Variants in DAG1 observed in about 807,000 individuals in gnomAD.
DAG1 encodes dystroglycan 1, also known as dystroglycan 1 (dystrophin-associated glycoprotein 1).
Under a neutral mutation model 46.1 loss-of-function variants are expected in DAG1, and 8 were observed. The ratio of observed to expected loss-of-function variants is 0.17; its 90% CI spans 0.10 to 0.31. The LOEUF is 0.31. Among genes scored for constraint, DAG1 ranks in the 10% least tolerant of loss-of-function variants. The pLI is 1.00. For synonymous variants in DAG1, 495 were observed against 481.8 expected, an observed-to-expected ratio of 1.03 and a Z score of -0.36; for missense variants, 1,003 against 1,189.9, an observed-to-expected ratio of 0.84 and a Z score of 2.31.
intron 2 of DAG1, among the ~76,000 whole-genome samples, chr3:49,520,943 T>C (rs1450007194): frequency 2.0e-5 from 3 of 152,190 alleles, no homozygotes; most frequent in Non-Finnish European, 4.4e-5. Context: ...AAGCCAATTA[T>C]AATTATTTGG....
At chr3:49,473,320 G>C (rs1176908063) in intron 1 of DAG1, among the ~76,000 whole-genome samples, 1 of 151,764 alleles carries the variant, frequency 6.6e-6, no homozygotes, top group Non-Finnish European at 1.5e-5. Context: ...TCTCCTGGAG[G>C]CTGAGGCAGG....
chr3:49,527,575 C>T (rs1472842963), intron 2 of DAG1, among the ~76,000 whole-genome samples: 3 of 148,712 alleles, frequency 2.0e-5, no homozygotes, highest in South Asian at 4.2e-4. Context: ...TGGTGGCGGG[C>T]GCCTGTAGTC....
Position 49,533,275 on chromosome 3 carries a change from G to T in DAG1, c.*76G>T. 1 of 1,585,748 alleles carries T rather than the reference G, an allele frequency of 6.3e-7. No individual in the cohort carries two copies. The highest frequency in any genetic ancestry group is 1.1e-5 in the South Asian group (1 of 89,066). ...ATGGTGTTGTCTGTGGAGACCGGTG[G>T]CCTGCAGACCATTGCCCACCGGGAG... is the stretch of plus-strand genomic sequence containing the variant. On this transcript the variant is annotated 3_prime_UTR_variant, in exon 3 of 3. Transcript: ENST00000308775.
chr3:49,534,653 G>T lies in DAG1; in HGVS notation c.*1454G>T, dbSNP rs2051461281. On this transcript the variant is annotated 3_prime_UTR_variant, in exon 3 of 3. Coordinates refer to ENST00000308775, the MANE Select transcript of DAG1 (RefSeq NM_004393.6). ...GTTTAAATTCTGGAATTACACTGGG[G>T]TTCTTTTGCCTTTTTTAGCAGAACA... The T allele has an allele frequency of 6.6e-6, 1 of 152,570 alleles. No homozygotes were observed. Among genetic ancestry groups the T allele is most frequent in the Non-Finnish European group, 1.5e-5 (1 of 68,032 alleles). 9.5% of individuals were successfully genotyped at this position (152,570 alleles called of 1,614,324 possible).
intron 1 of DAG1, among the ~76,000 whole-genome samples, chr3:49,470,764 C>T (rs2106686649): frequency 6.6e-6 from 1 of 152,348 alleles, no homozygotes; most frequent in Middle Eastern, 3.4e-3. Flanking sequence ...CGGGCCGCCT[C>T]CCTGGCTTCC....
chr3:49,469,587 G>T (rs77012634), upstream of DAG1, among the ~76,000 whole-genome samples: 189 of 152,250 alleles, frequency 1.2e-3, no homozygotes, highest in Non-Finnish European at 2.3e-3. Context: ...TTCCAGGCAG[G>T]GGGAGGGGAC....
intron 1 of DAG1, among the ~76,000 whole-genome samples, chr3:49,478,273 CA>C (rs71278644): frequency 5.6e-4 from 50 of 89,966 alleles, no homozygotes; most frequent in Non-Finnish European, 6.7e-4. Context: ...GACTCTGTCT[CA>C]AAAAAAAAAA....
Position 49,485,479 on chromosome 3 carries a change from A to G in DAG1, c.-117+15046A>G, listed in dbSNP as rs571790084. 5.9e-5 allele frequency among the ~76,000 whole-genome samples: 9 copies of G among 152,246 alleles called. No homozygotes were observed. The East Asian group carries it at 1.4e-3, about 23-fold the overall frequency. On this transcript the variant is annotated intron_variant, in intron 1 of 2. Transcript: ENST00000308775. Reference sequence around the variant, plus strand: ...ACCAGAATTTATCAAGCCTTTCTCTAGTACTGGGACACTTAACATGTGCCT... The same window carrying G: ...ACCAGAATTTATCAAGCCTTTCTCTGGTACTGGGACACTTAACATGTGCCT...
chr3:49,511,347 C>T (rs911576110), intron 2 of DAG1, among the ~76,000 whole-genome samples: 7 of 152,026 alleles, frequency 4.6e-5, no homozygotes, highest in Admixed American at 2.6e-4. Context: ...ATCTGAGGCC[C>T]GTGTAGAGAA....
chr3:49,473,775 G>T (rs993232810), intron 1 of DAG1, among the ~76,000 whole-genome samples: 2 of 151,744 alleles, frequency 1.3e-5, no homozygotes, highest in African/African-American at 2.4e-5. Context: ...GTAGAGATGG[G>T]GTTTCACCAT....
intron 1 of DAG1, chr3:49,488,814 G>A (rs1473688123): frequency 6.6e-6 from 1 of 152,096 alleles, no homozygotes; most frequent in Non-Finnish European, 1.5e-5. Flanking sequence ...ATGTTGGCCA[G>A]GCTGGCCTTG....
At chr3:49,517,960 C>G (rs915622248) in intron 2 of DAG1, among the ~76,000 whole-genome samples, 3 of 152,120 alleles carry the variant, frequency 2.0e-5, no homozygotes, top group Non-Finnish European at 4.4e-5. Flanking sequence ...CAGAGAAAGG[C>G]CAGTGCCCAC....
Position 49,482,047 on chromosome 3 carries a change from G to A in DAG1, c.-117+11614G>A, listed in dbSNP as rs113689937. ...ATTTACATTGTATTATGTGTTATAA[G>A]TAATCCAGGGATGTTTAAAGTATAC... On this transcript the variant is annotated intron_variant, in intron 1 of 2. Coordinates refer to ENST00000308775, the MANE Select transcript of DAG1 (RefSeq NM_004393.6). Among the ~76,000 whole-genome samples, 1,056 of 152,286 alleles carry A rather than the reference G, an allele frequency of 6.9e-3. 8 individuals carry two copies. The highest frequency in any genetic ancestry group is 0.024 in the African/African-American group (1,007 of 41,568).
At chr3:49,508,425 GTCTTGC>G (rs1459537108) in intron 1 of DAG1, among the ~76,000 whole-genome samples, 1 of 151,770 alleles carries the variant, frequency 6.6e-6, no homozygotes, top group Non-Finnish European at 1.5e-5. Context: ...TTGAGACAGG[GTCTTGC>G]TCTGTCACCC....
intron 1 of DAG1, among the ~76,000 whole-genome samples, chr3:49,493,606 G>A (rs1403543074): frequency 2.0e-5 from 3 of 152,142 alleles, no homozygotes; most frequent in Admixed American, 6.6e-5. Flanking sequence ...TGAGAGTAAT[G>A]GATTTACTTG....
At chr3:49,511,804 G>A (rs1326477717) in intron 2 of DAG1, among the ~76,000 whole-genome samples, 2 of 152,150 alleles carry the variant, frequency 1.3e-5, no homozygotes, top group African/African-American at 4.8e-5. Context: ...ATGCACCACT[G>A]CACCAAGCTC....
chr3:49,532,824 C>A lies in DAG1; in HGVS notation c.2313C>A (p.Ala771=). The change falls in exon 3 of 3, where the codon GCC becomes GCA. Residue 771 remains alanine, a synonymous_variant. Coordinates refer to ENST00000308775, the MANE Select transcript of DAG1 (RefSeq NM_004393.6). This position sits in a 1 kb window ranked among gnomAD's most constrained non-coding sequence, Gnocchi z 5.4. ...AAILLIAGII[A]MICYRKKRKG... is the part of the protein sequence containing the mutation. ...TCCTGCTCATTGCTGGCATCATTGC[C>A]ATGATCTGCTACCGCAAGAAGCGGA... 6.2e-7 allele frequency: 1 copy of A among 1,614,092 alleles called. No individual in the cohort carries two copies. The highest frequency in any genetic ancestry group is 8.5e-7 in the Non-Finnish European group (1 of 1,180,012).
intron 2 of DAG1, among the ~76,000 whole-genome samples, chr3:49,526,719 A>T (rs948202935): frequency 1.3e-5 from 2 of 152,174 alleles, no homozygotes; most frequent in Non-Finnish European, 2.9e-5. Context: ...TCTGTCTCAA[A>T]AAATAAATAA....
intron 1 of DAG1, among the ~76,000 whole-genome samples, chr3:49,483,719 A>T (rs2049944406): frequency 6.6e-6 from 1 of 152,128 alleles, no homozygotes; most frequent in Non-Finnish European, 1.5e-5. Flanking sequence ...CCTGTTGCCT[A>T]CCTGGAGTGT....
Sources: gnomAD v4.1 joint callset for allele counts (sites outside exome capture counted in the v4.1 genomes callset) on GRCh38, gnomAD v4.1.1 for gene constraint, Gnocchi (gnomAD v3.1) non-coding constraint, MANE v1.5 for transcripts, NCBI Gene and HGNC (gene_info 2026-07-23, HGNC 2026-07-21) for gene names.